AMMECR1: variants seen among roughly 807,000 people sequenced by gnomAD.
AMMECR1 encodes nuclear protein AMMECR1.
Under a neutral mutation model 22.5 loss-of-function variants are expected in AMMECR1, and 3 were observed. That is an observed-to-expected ratio of 0.13 (90% CI 0.06 to 0.35). The LOEUF is 0.35. Among genes scored for constraint, AMMECR1 ranks in the 10% least tolerant of loss-of-function variants. AMMECR1 has a pLI of 1.00. For synonymous variants in AMMECR1, 130 were observed against 116.7 expected, an observed-to-expected ratio of 1.11 and a Z score of -0.74; for missense variants, 235 against 278.7, an observed-to-expected ratio of 0.84 and a Z score of 1.12.
intron 2 of AMMECR1, among the ~76,000 whole-genome samples, chrX:110,420,211 T>C (rs1247223638): frequency 8.9e-6 from 1 of 112,172 alleles, no homozygotes; most frequent in Non-Finnish European, 1.9e-5. Flanking sequence ...TACTTGTCTG[T>C]CCTTCCTACT....
chrX:110,294,731 C>T (rs2067926211), intron 1 of AMMECR1, among the ~76,000 whole-genome samples: 1 of 111,414 alleles, frequency 9.0e-6, no homozygotes, highest in Non-Finnish European at 1.9e-5. Flanking sequence ...TGATACTGAA[C>T]TTTGTTATTT....
At chrX:110,417,331 A>G (rs1223900292) in intron 2 of AMMECR1, among the ~76,000 whole-genome samples, 3 of 112,204 alleles carry the variant, frequency 2.7e-5, no homozygotes, top group Non-Finnish European at 3.8e-5. Flanking sequence ...TGGGTTTTCA[A>G]TTCAATTCAA....
At chrX:110,322,647 T>C (rs1378567053), upstream of AMMECR1, among the ~76,000 whole-genome samples, 2 of 111,899 alleles carry the variant, frequency 1.8e-5, no homozygotes, top group Admixed American at 1.9e-4. Context: ...TAAGTCTCTT[T>C]TGTACAAATA....
At chrX:110,404,696 G>A (rs2068586545) in intron 2 of AMMECR1, among the ~76,000 whole-genome samples, 2 of 111,407 alleles carry the variant, frequency 1.8e-5, no homozygotes, top group South Asian at 7.7e-4. Context: ...CTCTCATAAG[G>A]TTGCTAAAGG....
chrX:110,265,441 A>C (rs763459898), intron 1 of AMMECR1, among the ~76,000 whole-genome samples: 99 of 112,069 alleles, frequency 8.8e-4, no homozygotes, highest in African/African-American at 3.0e-3. Context: ...ATCAAAGAAC[A>C]AAGTATCAAT....
intron 2 of AMMECR1, among the ~76,000 whole-genome samples, chrX:110,406,396 G>A (rs1253115438): frequency 5.4e-5 from 6 of 111,235 alleles, no homozygotes; most frequent in African/African-American, 2.0e-4. Context: ...TGAGAATGAT[G>A]GTTTCCAGCT....
chrX:110,312,953 A>G (rs943117307), intron 1 of AMMECR1, among the ~76,000 whole-genome samples: 14 of 112,737 alleles, frequency 1.2e-4, no homozygotes, highest in Admixed American at 1.0e-3. Flanking sequence ...AGACAGATAC[A>G]TCTTCTGGCT....
At chrX:110,222,632 A>G (rs2067509804) in intron 2 of AMMECR1, among the ~76,000 whole-genome samples, 1 of 110,353 alleles carries the variant, frequency 9.1e-6, no homozygotes, top group African/African-American at 3.3e-5. Context: ...AAAAAAAAAA[A>G]AGAAAGAAAA....
At chrX:110,388,259 A>G (rs1224419131) in intron 2 of AMMECR1, among the ~76,000 whole-genome samples, 3 of 112,198 alleles carry the variant, frequency 2.7e-5, no homozygotes, top group Non-Finnish European at 5.6e-5. Flanking sequence ...GTGGAGCACA[A>G]TGCTTTGTAC....
chrX:110,348,479 C>T (rs1216425314), intron 2 of AMMECR1, among the ~76,000 whole-genome samples: 1 of 112,258 alleles, frequency 8.9e-6, no homozygotes, highest in Non-Finnish European at 1.9e-5. Context: ...TACACATTTA[C>T]ATACTACATT....
At chrX:110,273,602 T>C (rs1046435271) in intron 1 of AMMECR1, among the ~76,000 whole-genome samples, 1 of 112,409 alleles carries the variant, frequency 8.9e-6, no homozygotes, top group Admixed American at 9.4e-5. Flanking sequence ...CCTCTAGGAT[T>C]ATTATAGTTT....
intron 2 of AMMECR1, among the ~76,000 whole-genome samples, chrX:110,263,785 T>A (rs963217688): frequency 8.9e-6 from 1 of 111,930 alleles, no homozygotes; most frequent in Non-Finnish European, 1.9e-5. Flanking sequence ...CCTTTACTAA[T>A]AGCTTATTAT....
intron 1 of AMMECR1, among the ~76,000 whole-genome samples, chrX:110,291,368 T>C (rs2067907590): frequency 1.8e-5 from 2 of 110,351 alleles, no homozygotes; most frequent in Admixed American, 1.9e-4. Context: ...AGTAAAAGTA[T>C]TTTAAAAAAT....
At chrX:110,344,348 A>G (rs2068178704) in intron 2 of AMMECR1, among the ~76,000 whole-genome samples, 1 of 112,443 alleles carries the variant, frequency 8.9e-6, no homozygotes, top group African/African-American at 3.2e-5. Flanking sequence ...TTAATTCAAG[A>G]TGGATTAAAG....
intron 1 of AMMECR1, among the ~76,000 whole-genome samples, chrX:110,270,471 G>T (rs968936225): frequency 1.9e-4 from 21 of 109,502 alleles, no homozygotes; most frequent in Admixed American, 1.3e-3. Context: ...GTATAATATG[G>T]TTTTTTTTTC....
Position 110,201,018 on chromosome X carries a change from A to G in AMMECR1, c.823T>C (p.Leu275=), listed in dbSNP as rs774452856. The stretch of plus-strand genomic sequence containing the variant: ...GGAGCTTTGTATCCTCCTTTCCTCA[A>G]TAAGGAGTCTATGGTCTGTATATGG... ...WDHIQTIDSL[L]RKGGYKAPIT... The change falls in exon 5 of 6, where the codon TTG becomes CTG. Residue 275 remains leucine (L), a synonymous_variant. Coordinates refer to ENST00000262844, the MANE Select transcript of AMMECR1 (RefSeq NM_015365.3). The G allele has an allele frequency of 3.2e-5, 38 of 1,202,847 alleles. No individual in the cohort carries two copies. The South Asian group carries it at 6.4e-4, about 20-fold the overall frequency.
rs773403425 is a variant in AMMECR1 at position 110,253,613 on chromosome X, T to C, written c.584+10876A>G. On this transcript the variant is annotated intron_variant, in intron 2 of 5. Transcript: ENST00000262844. ...TATTTACAAACCCATGAATTTAACATAGTCATCCTTTTACCACTGAAATAT... is the reference window on the plus strand; with the variant it reads ...TATTTACAAACCCATGAATTTAACACAGTCATCCTTTTACCACTGAAATAT... Among the ~76,000 whole-genome samples the C allele has an allele frequency of 8.0e-5, 9 of 112,755 alleles. No individual in the cohort carries two copies. In the East Asian group the frequency reaches 1.7e-3, roughly 21 times the overall value.
rs79706170 is a variant in AMMECR1, at chrX:110,332,421, A to C, written c.-147-14572T>G. Among the ~76,000 whole-genome samples, 195 of 111,973 alleles carry C rather than the reference A, an allele frequency of 1.7e-3. 1 individual carries two copies. The East Asian group carries it at 0.043, about 25-fold the overall frequency. ...AGTAGTAGTAGCATTGTGTGTGTTC[A>C]ATAAATACATGCAATATTGAAATTA... On this transcript the variant is annotated intron_variant, in intron 2 of 7. Transcript: ENST00000372057.
At chrX:110,414,909 C>A (rs865965640) in intron 2 of AMMECR1, among the ~76,000 whole-genome samples, 152 of 112,188 alleles carry the variant, frequency 1.4e-3, no homozygotes, top group African/African-American at 4.7e-3. Context: ...TCACACAGTA[C>A]TATTTTTGGC....
Sources: gnomAD v4.1 joint callset for allele counts (sites outside exome capture counted in the v4.1 genomes callset) on GRCh38, gnomAD v4.1.1 for gene constraint, MANE v1.5 for transcripts, NCBI Gene and HGNC (gene_info 2026-07-23, HGNC 2026-07-21) for gene names.